Variants in KCNH2 observed in about 807,000 individuals in gnomAD.
KCNH2 encodes potassium voltage-gated channel subfamily H member 2.
In KCNH2, 35 loss-of-function variants were observed where a neutral mutation model predicts 95.9. The ratio of observed to expected loss-of-function variants is 0.37; its 90% CI spans 0.28 to 0.48. The LOEUF is 0.48. Among genes scored for constraint, KCNH2 ranks in the 20% least tolerant of loss-of-function variants. KCNH2 has a pLI of 0.99. For synonymous variants in KCNH2, 786 were observed against 754.7 expected (o/e 1.04, Z -0.68); for missense variants, 1,274 against 1,702.9 (o/e 0.75, Z 4.43).
chr7:150,977,342 C>G (rs1036145), intron 1 of KCNH2, among the ~76,000 whole-genome samples: 2 of 151,976 alleles, frequency 1.3e-5, no homozygotes, highest in African/African-American at 4.8e-5. Context: ...TATATACACA[C>G]GGCACACACA....
chr7:150,975,111 G>A (rs1801948692), intron 1 of KCNH2, among the ~76,000 whole-genome samples, 170 bp from the exon 2 acceptor site: 1 of 151,960 alleles, frequency 6.6e-6, no homozygotes, highest in African/African-American at 2.4e-5. Context: ...CGTGTGCCCC[G>A]ATACAGGTGC....
chr7:150,958,053 C>A lies in KCNH2; in HGVS notation c.916+6G>T. ...TGGGGCGGAACGGGTCCCGCGGCGC[C>A]CTCACCGGTGCTGGCGTGGCGCGGT... On this transcript the variant is annotated splice_donor_region_variant and intron_variant, in intron 4 of 14. Coordinates refer to ENST00000262186, the MANE Select transcript of KCNH2 (RefSeq NM_000238.4). The A allele has an allele frequency of 7.9e-7, 1 of 1,264,394 alleles. No individual in the cohort carries two copies. The highest frequency in any genetic ancestry group is 9.9e-7 in the Non-Finnish European group (1 of 1,008,580). The allele number at this position is 1,264,394 out of a possible 1,614,324, so 78.3% of individuals were successfully genotyped here.
chr7:150,959,848 T>A (rs1014784451), intron 2 of KCNH2, 112 bp from the exon 3 acceptor site: 3 of 1,196,994 alleles, frequency 2.5e-6, no homozygotes, highest in Non-Finnish European at 3.6e-6. Flanking sequence ...TGCCTCCCCG[T>A]ATGGCCCTTC....
At chr7:150,968,855 G>T (rs1256276946) in intron 2 of KCNH2, among the ~76,000 whole-genome samples, 1 of 152,190 alleles carries the variant, frequency 6.6e-6, no homozygotes, top group South Asian at 2.1e-4. Flanking sequence ...TCCCACGATT[G>T]CAACAGCACG....
chr7:150,976,911 C>T (rs1178722435), intron 1 of KCNH2, among the ~76,000 whole-genome samples: 1 of 152,050 alleles, frequency 6.6e-6, no homozygotes, highest in African/African-American at 2.4e-5. Flanking sequence ...CCCCAACCAC[C>T]GTTACAAGCA....
intron 1 of KCNH2, 77 bp downstream of exon 1, chr7:150,977,761 C>A: frequency 1.6e-6 from 2 of 1,231,264 alleles, no homozygotes; most frequent in South Asian, 1.3e-5. Flanking sequence ...GGCCCGGGCA[C>A]GCCCCCCCAT....
In KCNH2 at chr7:150,945,299, C is replaced by A; in HGVS notation, c.*66G>T. On this transcript the variant is annotated 3_prime_UTR_variant, in exon 15 of 15. Transcript: ENST00000262186. The surrounding 1 kb of genome is among the most constrained non-coding windows in gnomAD (Gnocchi z 5.6). ...GTCAGGGCCTCCTGAGCAGGGCCTCCAAGGGGAGCGGCCCAGCAGCGCCTT... is the reference window on the plus strand; with the variant it reads ...GTCAGGGCCTCCTGAGCAGGGCCTCAAAGGGGAGCGGCCCAGCAGCGCCTT... 1 of 1,514,838 alleles carries A rather than the reference C, an allele frequency of 6.6e-7. No homozygotes were observed. Among genetic ancestry groups the A allele is most frequent in the Non-Finnish European group, 8.9e-7 (1 of 1,121,318 alleles). 93.8% of individuals were successfully genotyped at this position (1,514,838 alleles called of 1,614,324 possible).
At position 150,977,968 on chromosome 7, in the gene KCNH2, C is replaced by A; in HGVS notation, c.-55G>T. On this transcript the variant is annotated 5_prime_UTR_variant, in exon 1 of 15. Transcript: ENST00000262186. ...CCCACCCACCCCGGCCCGGCCCGGC[C>A]CAGCACTAGGCTTCGGGTGGCCCGG... 8.6e-7 allele frequency: 1 copy of A among 1,161,118 alleles called. No individual in the cohort carries two copies. Among genetic ancestry groups the A allele is most frequent in the East Asian group, 3.0e-5 (1 of 33,750 alleles). 71.9% of individuals were successfully genotyped at this position (1,161,118 alleles called of 1,614,324 possible).
chr7:150,951,879 G>A, intron 6 of KCNH2, 44 bp from the exon 7 acceptor site: 1 of 1,521,838 alleles, frequency 6.6e-7, no homozygotes, highest in East Asian at 2.3e-5. Flanking sequence ...GGGGCAAGGG[G>A]GGCAAGGGAG....
intron 2 of KCNH2, among the ~76,000 whole-genome samples, chr7:150,960,470 ACTAT>A (rs1448317703): frequency 6.6e-6 from 1 of 152,202 alleles, no homozygotes; most frequent in African/African-American, 2.4e-5. Context: ...GTTAGCTGTT[ACTAT>A]CTGTCTCTCT....
chr7:150,972,052 C>T (rs946038583), intron 2 of KCNH2, among the ~76,000 whole-genome samples: 4 of 152,148 alleles, frequency 2.6e-5, no homozygotes, highest in Admixed American at 2.6e-4. Flanking sequence ...CTTCAAGGGG[C>T]ACAGGGCCAG....
rs559153806 is a variant in KCNH2, at chr7:150,971,079, C to T, written c.307+3632G>A. On this transcript the variant is annotated intron_variant, in intron 2 of 14. Coordinates refer to ENST00000262186, the MANE Select transcript of KCNH2 (RefSeq NM_000238.4). Reference sequence around the variant, plus strand: ...CGTGGTGGTGACAAGAGCAGGGCGTCTGATTTAAAGGAATGGGCACAGGAA... The same window carrying T: ...CGTGGTGGTGACAAGAGCAGGGCGTTTGATTTAAAGGAATGGGCACAGGAA... Among the ~76,000 whole-genome samples, 3 of 152,304 alleles carry T rather than the reference C, an allele frequency of 2.0e-5. No homozygotes were observed. In the South Asian group the frequency reaches 6.2e-4, roughly 32 times the overall value.
chr7:150,950,929 T>C lies in KCNH2; in HGVS notation c.2137A>G (p.Met713Val), dbSNP rs769765942. 6.2e-7 allele frequency: 1 copy of C among 1,614,126 alleles called. No homozygotes were observed. The highest frequency in any genetic ancestry group is 8.5e-7 in the Non-Finnish European group (1 of 1,179,992). The change falls in exon 8 of 15, where the codon ATG (methionine) becomes GTG (valine). Residue 713 changes from methionine (M) to valine (V), a missense_variant. Around this residue, in one of 7 missense-constraint regions of KCNH2, gnomAD observed 159 missense variants for 282.5 expected, o/e 0.56. Coordinates refer to ENST00000262186, the MANE Select transcript of KCNH2 (RefSeq NM_000238.4). ...HAWSYTNGID[M>V]NAVLKGFPEC... is the part of the protein sequence containing the mutation. ...CGCTCTGGTGGCCTCACCGCGTTCA[T>C]GTCGATGCCGTTGGTGTAGGACCAG... is the stretch of plus-strand genomic sequence containing the variant.
In KCNH2 at chr7:150,958,521, A is replaced by C. The variant is rs1302024244; in HGVS notation, c.473-19T>G. 1.4e-6 allele frequency: 2 copies of C among 1,473,170 alleles called. No individual in the cohort carries two copies. Among genetic ancestry groups the C allele is most frequent in the South Asian group, 2.6e-5 (2 of 77,382 alleles). 91.3% of individuals were successfully genotyped at this position (1,473,170 alleles called of 1,614,324 possible). ...GCGCGGCCTGCGGGAGAGGAGAGGC[A>C]CGTGGTCGTGGGGATCGCGAGCAGC... On this transcript the variant is annotated intron_variant, in intron 3 of 14. Coordinates refer to ENST00000262186, the MANE Select transcript of KCNH2 (RefSeq NM_000238.4).
chr7:150,973,019 G>C (rs1479705151), intron 2 of KCNH2, among the ~76,000 whole-genome samples: 1 of 152,188 alleles, frequency 6.6e-6, no homozygotes, highest in African/African-American at 2.4e-5. Context: ...CCCGTTGCAG[G>C]CACTCTCTAT....
At chr7:150,956,844 G>A (rs1801392182) in intron 5 of KCNH2, among the ~76,000 whole-genome samples, 1 of 152,152 alleles carries the variant, frequency 6.6e-6, no homozygotes, top group East Asian at 1.9e-4. Context: ...GGACCCTCCT[G>A]TCCTTGACCT....
chr7:150,960,750 C>T (rs1396780955), intron 2 of KCNH2, among the ~76,000 whole-genome samples: 1 of 152,098 alleles, frequency 6.6e-6, no homozygotes, highest in Non-Finnish European at 1.5e-5. Context: ...TTTTCTTTTC[C>T]AGTCTCTCTC....
Position 150,952,607 on chromosome 7 carries a change from C to T in KCNH2, c.1375G>A (p.Val459Met). 6.2e-7 allele frequency: 1 copy of T among 1,614,172 alleles called. No homozygotes were observed. The highest frequency in any genetic ancestry group is 8.5e-7 in the Non-Finnish European group (1 of 1,180,038). The change falls in exon 6 of 15, where the codon GTG becomes ATG. Residue 459 changes from valine (V) to methionine (M), a missense_variant. Coordinates refer to ENST00000262186, the MANE Select transcript of KCNH2 (RefSeq NM_000238.4). This position sits in a 1 kb window ranked among gnomAD's most constrained non-coding sequence, Gnocchi z 7.3. The part of the protein sequence containing the change: ...CQPLAVVDLI[V>M]DIMFIVDILI... The stretch of plus-strand genomic sequence containing the variant: ...ATGTCCACAATGAACATGATGTCCA[C>T]GATGAGGTCCACCACAGCCAGCGGC...
intron 1 of KCNH2, among the ~76,000 whole-genome samples, chr7:150,975,226 G>T (rs1029642482): frequency 3.3e-5 from 5 of 152,102 alleles, no homozygotes; most frequent in African/African-American, 9.7e-5. Flanking sequence ...CCTCCTCCAT[G>T]CCCGAGGCTG....
Sources: gnomAD v4.1 joint callset for allele counts (sites outside exome capture counted in the v4.1 genomes callset) on GRCh38, gnomAD v4.1.1 for gene constraint, gnomAD v4.1.1 regional missense constraint, Gnocchi (gnomAD v3.1) non-coding constraint, MANE v1.5 for transcripts, NCBI Gene and HGNC (gene_info 2026-07-23, HGNC 2026-07-21) for gene names.